The following CADM1 variants were observed in gnomAD, a reference collection of about 807,000 sequenced individuals.
CADM1 encodes TSLC-1.
Under a neutral mutation model 53.1 loss-of-function variants are expected in CADM1, and 15 were observed. The observed-to-expected ratio is 0.28, with a 90% CI of 0.19 to 0.44. CADM1 has a LOEUF of 0.44. Ranked by LOEUF, CADM1 falls within the 20% of genes least tolerant of loss-of-function variation. The pLI is 1.00. For missense variants in CADM1, 434 were observed against 611.3 expected, an observed-to-expected ratio of 0.71 and a Z score of 3.06; for synonymous variants, 281 against 243.0, an observed-to-expected ratio of 1.16 and a Z score of -1.45.
At chr11:115,274,472 A>T (rs1049026639) in intron 1 of CADM1, among the ~76,000 whole-genome samples, 25 of 152,218 alleles carry the variant, frequency 1.6e-4, no homozygotes, top group Non-Finnish European at 3.1e-4. Flanking sequence ...CCTTGTCCGC[A>T]TTTCAGTTTC....
chr11:115,211,994 C>G (rs138400394), intron 7 of CADM1, among the ~76,000 whole-genome samples: 2 of 152,168 alleles, frequency 1.3e-5, no homozygotes, highest in Non-Finnish European at 2.9e-5. Flanking sequence ...ATCTTTATCA[C>G]GACTGGGGCA....
chr11:115,312,968 A>T (rs942011634), intron 1 of CADM1, among the ~76,000 whole-genome samples: 2 of 152,130 alleles, frequency 1.3e-5, no homozygotes, highest in Non-Finnish European at 2.9e-5. Context: ...AAATCTAATC[A>T]AAGCAGAGGA....
chr11:115,245,000 T>C (rs915031929), intron 1 of CADM1, among the ~76,000 whole-genome samples: 1 of 152,154 alleles, frequency 6.6e-6, no homozygotes, highest in African/African-American at 2.4e-5. Context: ...AGCACTTCAT[T>C]TACACCGGGG....
At chr11:115,273,617 TTAAG>T (rs1414954082) in intron 1 of CADM1, among the ~76,000 whole-genome samples, 1 of 152,218 alleles carries the variant, frequency 6.6e-6, no homozygotes, top group Non-Finnish European at 1.5e-5. Flanking sequence ...TGGTTCTTAA[TTAAG>T]TCTTTATCAT....
chr11:115,503,327 G>A (rs1447211958), intron 1 of CADM1, among the ~76,000 whole-genome samples: 1 of 152,230 alleles, frequency 6.6e-6, no homozygotes, highest in Non-Finnish European at 1.5e-5. Flanking sequence ...GGCACCGGGC[G>A]TGCAGAGCCG....
chr11:115,411,295 G>C (rs1281411584), intron 1 of CADM1, among the ~76,000 whole-genome samples: 1 of 152,166 alleles, frequency 6.6e-6, no homozygotes, highest in African/African-American at 2.4e-5. Context: ...AACAGAAAGT[G>C]ATTCTCTTTC....
At chr11:115,294,725 C>T (rs1383498103) in intron 1 of CADM1, among the ~76,000 whole-genome samples, 2 of 151,500 alleles carry the variant, frequency 1.3e-5, no homozygotes, top group Non-Finnish European at 2.9e-5. Context: ...GATAAGCCTC[C>T]TCACTCATAC....
intron 1 of CADM1, among the ~76,000 whole-genome samples, chr11:115,502,783 T>G (rs1034932955): frequency 6.6e-6 from 1 of 152,060 alleles, no homozygotes; most frequent in Non-Finnish European, 1.5e-5. Flanking sequence ...ATCCCCCGTC[T>G]CCTACAGCGT....
chr11:115,209,441 T>C, intron 8 of CADM1, 133 bp downstream of exon 8: 2 of 1,302,200 alleles, frequency 1.5e-6, no homozygotes, highest in South Asian at 2.7e-5. Context: ...TAGTATCTAA[T>C]GTCGTTGGAG....
intron 1 of CADM1, among the ~76,000 whole-genome samples, chr11:115,379,317 G>A (rs770374311): frequency 3.3e-5 from 5 of 152,046 alleles, no homozygotes; most frequent in South Asian, 2.1e-4. Flanking sequence ...AAGAAAACTC[G>A]TTTATCTTCA....
At chr11:115,254,301 T>C (rs1200783271) in intron 1 of CADM1, among the ~76,000 whole-genome samples, 1 of 152,226 alleles carries the variant, frequency 6.6e-6, no homozygotes, top group Non-Finnish European at 1.5e-5. Context: ...AACTGGTCCA[T>C]ATAACATCAA....
At chr11:115,352,819 G>A (rs1341855417) in intron 1 of CADM1, among the ~76,000 whole-genome samples, 2 of 152,096 alleles carry the variant, frequency 1.3e-5, no homozygotes, top group African/African-American at 4.8e-5. Flanking sequence ...ACAGAGGTAA[G>A]TTTCACTCAG....
intron 1 of CADM1, among the ~76,000 whole-genome samples, chr11:115,493,162 G>C (rs1320712523): frequency 1.3e-5 from 2 of 151,426 alleles, no homozygotes; most frequent in Non-Finnish European, 2.9e-5. Context: ...AAATACAAAA[G>C]AGCTTAAAAA....
chr11:115,246,236 G>A (rs1485754310), intron 1 of CADM1, among the ~76,000 whole-genome samples: 3 of 152,176 alleles, frequency 2.0e-5, no homozygotes, highest in Non-Finnish European at 4.4e-5. Context: ...TCTGTCTGCT[G>A]TTTACAAAGC....
At chr11:115,290,051 C>T (rs929090721) in intron 1 of CADM1, among the ~76,000 whole-genome samples, 3 of 152,150 alleles carry the variant, frequency 2.0e-5, no homozygotes, top group Admixed American at 6.5e-5. Context: ...ATTCCACGAG[C>T]GCCACAGCGT....
At chr11:115,256,543 C>A (rs1036757784) in intron 1 of CADM1, among the ~76,000 whole-genome samples, 3 of 152,170 alleles carry the variant, frequency 2.0e-5, no homozygotes, top group African/African-American at 7.2e-5. Context: ...GTAACACTTA[C>A]CTTGAAACCA....
At chr11:115,185,177 T>C (rs1259795772) in intron 10 of CADM1, among the ~76,000 whole-genome samples, 4 of 152,320 alleles carry the variant, frequency 2.6e-5, no homozygotes, top group African/African-American at 9.6e-5. Context: ...GACCTGGTGT[T>C]TGCCAAATTC....
At chr11:115,380,400 G>A (rs1165346289) in intron 1 of CADM1, among the ~76,000 whole-genome samples, 3 of 152,136 alleles carry the variant, frequency 2.0e-5, no homozygotes, top group Non-Finnish European at 4.4e-5. Context: ...CCATCCATCA[G>A]TGTACGTGAT....
chr11:115,228,728 G>A (rs1941705680), intron 5 of CADM1, among the ~76,000 whole-genome samples: 1 of 152,056 alleles, frequency 6.6e-6, no homozygotes, highest in Non-Finnish European at 1.5e-5. Context: ...AAAACAAAAT[G>A]CCGACGTAAA....
Sources: allele counts gnomAD v4.1 joint callset (sites outside exome capture counted in the v4.1 genomes callset), GRCh38; gene constraint gnomAD v4.1.1; transcripts MANE v1.5; gene names NCBI Gene and HGNC (gene_info 2026-07-23, HGNC 2026-07-21).